KALRN: variants seen among roughly 807,000 people sequenced by gnomAD.
KALRN encodes the protein kalirin.
KALRN carries 70 observed loss-of-function variants against 353.7 expected under a neutral mutation model. The ratio of observed to expected loss-of-function variants is 0.20; its 90% confidence interval spans 0.16 to 0.24. The LOEUF is 0.24. KALRN is among the 10% of genes least tolerant of loss of function. KALRN has a pLI of 1.00. For missense variants in KALRN, 2,791 were observed against 3,756.7 expected, an observed-to-expected ratio of 0.74 and a Z score of 6.72; for synonymous variants, 1,391 against 1,434.8, an observed-to-expected ratio of 0.97 and a Z score of 0.69.
intron 3 of KALRN, among the ~76,000 whole-genome samples, chr3:124,239,750 G>T (rs1181438140): frequency 2.6e-5 from 4 of 152,166 alleles, no homozygotes; most frequent in South Asian, 2.1e-4. Flanking sequence ...AACTGCAAGG[G>T]TTTCCTGCCT....
intron 11 of KALRN, among the ~76,000 whole-genome samples, chr3:124,387,534 A>G (rs2088569540): frequency 1.3e-5 from 2 of 152,170 alleles, no homozygotes; most frequent in Non-Finnish European, 2.9e-5. Flanking sequence ...AATTGACCCC[A>G]GGTCTTTCTG....
chr3:124,482,410 T>A lies in KALRN; in HGVS notation c.4192-398T>A, dbSNP rs944120305. On this transcript the variant is annotated intron_variant, in intron 27 of 59. Transcript: ENST00000682506. ...CATCAGAATAGATGTCAGAGCCTCATTCTCTGCCTTCCCTGTACTCTCATC... is the reference window on the plus strand; with the variant it reads ...CATCAGAATAGATGTCAGAGCCTCAATCTCTGCCTTCCCTGTACTCTCATC... Among the ~76,000 whole-genome samples, 37 of 152,158 alleles carry A rather than the reference T, an allele frequency of 2.4e-4. 1 individual carries two copies. Among genetic ancestry groups the A allele is most frequent in the African/African-American group, 2.4e-5 (1 of 41,438 alleles).
At chr3:124,414,791 G>T (rs910401672) in intron 14 of KALRN, among the ~76,000 whole-genome samples, 27 of 152,130 alleles carry the variant, frequency 1.8e-4, no homozygotes, top group African/African-American at 5.1e-4. Flanking sequence ...GTTGGCTCAG[G>T]TTCCTCAGTC....
chr3:124,618,769 C>T (rs1458114649), intron 34 of KALRN, among the ~76,000 whole-genome samples: 3 of 152,096 alleles, frequency 2.0e-5, no homozygotes, highest in Admixed American at 6.5e-5. Context: ...AGAGCTAAAT[C>T]CAGGAGAAGG....
chr3:124,335,044 C>G (rs945209017), intron 9 of KALRN, among the ~76,000 whole-genome samples: 1 of 152,180 alleles, frequency 6.6e-6, no homozygotes, highest in African/African-American at 2.4e-5. Flanking sequence ...ACCCGCCCGC[C>G]TCGGCCTCCC....
intron 51 of KALRN, among the ~76,000 whole-genome samples, chr3:124,687,085 G>C (rs1026152975): frequency 6.6e-6 from 1 of 152,034 alleles, no homozygotes; most frequent in South Asian, 2.1e-4. Flanking sequence ...AAAGTGCTGG[G>C]ATTATAGGCA....
intron 34 of KALRN, among the ~76,000 whole-genome samples, chr3:124,605,911 T>C (rs1013273123): frequency 7.2e-5 from 11 of 152,240 alleles, no homozygotes; most frequent in African/African-American, 2.6e-4. Flanking sequence ...ATCCCCTCTA[T>C]CCCAACACAC....
intron 1 of KALRN, among the ~76,000 whole-genome samples, chr3:124,142,046 A>G (rs1301593841): frequency 6.6e-6 from 1 of 152,204 alleles, no homozygotes; most frequent in Admixed American, 6.5e-5. Context: ...ATAGGCCCTC[A>G]GGAAACATTT....
At chr3:124,642,806 G>GTTGTTTTTTTTGT (rs796628603) in intron 37 of KALRN, among the ~76,000 whole-genome samples, 1 of 96,840 alleles carries the variant, frequency 1.0e-5, no homozygotes, top group Non-Finnish European at 1.9e-5. Context: ...CCCAAGCCTC[G>GTTGTTTTTTTTGT]TTTTTTTTTT....
chr3:124,668,947 C>A (rs371759512), intron 47 of KALRN, among the ~76,000 whole-genome samples: 1 of 152,018 alleles, frequency 6.6e-6, no homozygotes, highest in Non-Finnish European at 1.5e-5. Flanking sequence ...CAATTTGGGA[C>A]AAAAGAAAAA....
intron 5 of KALRN, among the ~76,000 whole-genome samples, chr3:124,270,902 T>C (rs2074097494): frequency 7.0e-6 from 1 of 143,620 alleles, no homozygotes; most frequent in Admixed American, 7.3e-5. Context: ...CCATCTCAGC[T>C]CACTGCAAGC....
Position 124,227,856 on chromosome 3 carries a change from C to T in KALRN, c.74-134C>T, listed in dbSNP as rs571574024. On this transcript the variant is annotated intron_variant, in intron 1 of 59. Transcript: ENST00000682506. ...TGTTGCAGACCCTCTCCTGGTCCAT[C>T]GGGCTGGGCTGTAGGACCTGGACAA... 52 of 744,252 alleles carry T rather than the reference C, an allele frequency of 7.0e-5. 1 individual carries two copies. In the East Asian group the frequency reaches 9.9e-4, roughly 14 times the overall value. 46.1% of individuals were successfully genotyped at this position (744,252 alleles called of 1,614,324 possible).
rs144487793 is a variant in KALRN at position 124,433,596 on chromosome 3, TA to T, written c.2830-691del. The stretch of plus-strand genomic sequence containing the variant: ...CTCGGTGATAGATCAAGACCCTGTC[TA>T]AAAAAAAAAAAAAAAAAAAGGAAAG... On this transcript the variant is annotated intron_variant, in intron 16 of 59. Transcript: ENST00000682506. Among the ~76,000 whole-genome samples the T allele has an allele frequency of 1.6e-3, 148 of 95,128 alleles. 1 individual carries two copies. The highest frequency in any genetic ancestry group is 6.0e-3 in the Middle Eastern group (1 of 166). 62.4% of individuals were successfully genotyped at this position (95,128 alleles called of 152,430 possible). A position where few individuals can be genotyped will look rare whatever the true frequency, so the allele number is the denominator to read the frequency against.
intron 11 of KALRN, among the ~76,000 whole-genome samples, chr3:124,390,824 A>G (rs1203494087): frequency 1.3e-5 from 2 of 152,010 alleles, no homozygotes; most frequent in Admixed American, 6.6e-5. Flanking sequence ...AAGCCTTGTT[A>G]TTTTTCTTAC....
chr3:124,686,318 G>A (rs972455178), intron 51 of KALRN, among the ~76,000 whole-genome samples: 2 of 152,168 alleles, frequency 1.3e-5, no homozygotes, highest in African/African-American at 2.4e-5. Flanking sequence ...TCATCACATA[G>A]GTACTATTCG....
intron 5 of KALRN, among the ~76,000 whole-genome samples, chr3:124,283,287 C>T (rs2075529363): frequency 6.6e-6 from 1 of 152,208 alleles, no homozygotes. Context: ...TGCCAAGGGC[C>T]AGATCTCAGT....
intron 1 of KALRN, among the ~76,000 whole-genome samples, chr3:124,139,451 A>G (rs1191946205): frequency 1.3e-5 from 2 of 152,108 alleles, no homozygotes; most frequent in Non-Finnish European, 2.9e-5. Flanking sequence ...CCTGCAGTTT[A>G]TTGTGTACTA....
At chr3:124,473,334 A>G (rs774624324) in intron 25 of KALRN, among the ~76,000 whole-genome samples, 4 of 152,106 alleles carry the variant, frequency 2.6e-5, no homozygotes, top group African/African-American at 2.4e-5. Context: ...CTTTAATTCA[A>G]TTTTTGAAGG....
intron 17 of KALRN, 37 bp from the exon 18 acceptor site, chr3:124,438,851 A>T: frequency 6.3e-7 from 1 of 1,584,120 alleles, no homozygotes; most frequent in Non-Finnish European, 8.6e-7. Context: ...TTCCTGAATA[A>T]TTAATTTACT....
Sources: gnomAD v4.1 joint callset for allele counts (sites outside exome capture counted in the v4.1 genomes callset) on GRCh38, gnomAD v4.1.1 for gene constraint, MANE v1.5 for transcripts, NCBI Gene and HGNC (gene_info 2026-07-23, HGNC 2026-07-21) for gene names.